PDE4D: variants seen among roughly 807,000 people sequenced by gnomAD.
The protein encoded by PDE4D is 3',5'-cyclic-AMP phosphodiesterase 4D.
PDE4D carries 24 observed loss-of-function variants against 87.4 expected under a neutral mutation model. The ratio of observed to expected loss-of-function variants is 0.27; its 90% confidence interval spans 0.20 to 0.39. PDE4D has a LOEUF of 0.39. Ranked by LOEUF, PDE4D falls within the 10% of genes least tolerant of loss-of-function variation. The pLI is 1.00. For synonymous variants in PDE4D, 384 were observed against 383.2 expected, an observed-to-expected ratio of 1.00 and a Z score of -0.02; for missense variants, 714 against 1,041.0, an observed-to-expected ratio of 0.69 and a Z score of 4.32.
At chr5:60,498,690 GC>G (rs1749932378) in intron 1 of PDE4D, among the ~76,000 whole-genome samples, 1 of 152,132 alleles carries the variant, frequency 6.6e-6, no homozygotes, top group Admixed American at 6.5e-5. Context: ...ATGGTATCTA[GC>G]TTTTTCTTTA....
chr5:59,947,317 C>T (rs938645156), intron 3 of PDE4D, among the ~76,000 whole-genome samples: 1 of 152,156 alleles, frequency 6.6e-6, no homozygotes, highest in Non-Finnish European at 1.5e-5. Flanking sequence ...AGGTTCTTTC[C>T]TTCTCTCTTA....
chr5:59,518,028 G>A (rs202057802), intron 1 of PDE4D, among the ~76,000 whole-genome samples: 8 of 152,198 alleles, frequency 5.3e-5, no homozygotes, highest in South Asian at 2.1e-4. Context: ...GTGCCTAATC[G>A]TTTTATGAAT....
At chr5:59,433,089 A>G (rs17795692) in intron 1 of PDE4D, among the ~76,000 whole-genome samples, 12,939 of 152,124 alleles carry the variant, frequency 0.085, 572 homozygotes, top group Middle Eastern at 0.11. Flanking sequence ...ATACTCCTTC[A>G]TTTGAGAGTC....
chr5:59,532,110 G>A (rs1814338960), intron 1 of PDE4D, among the ~76,000 whole-genome samples: 1 of 152,044 alleles, frequency 6.6e-6, no homozygotes, highest in Non-Finnish European at 1.5e-5. Flanking sequence ...TTGAAGTGCA[G>A]GCGCTAGACA....
intron 2 of PDE4D, among the ~76,000 whole-genome samples, chr5:60,120,111 A>G (rs1330637336): frequency 6.6e-6 from 1 of 152,256 alleles, no homozygotes; most frequent in Non-Finnish European, 1.5e-5. Context: ...ATTGTTATGC[A>G]TTCCAGAGGT....
chr5:59,789,003 C>T (rs890734768), intron 1 of PDE4D, among the ~76,000 whole-genome samples: 3 of 152,152 alleles, frequency 2.0e-5, no homozygotes, highest in Non-Finnish European at 2.9e-5. Flanking sequence ...TTCAACAGTA[C>T]AATACTGTTT....
intron 1 of PDE4D, among the ~76,000 whole-genome samples, chr5:59,382,593 A>C (rs1445566933): frequency 6.6e-6 from 1 of 152,180 alleles, no homozygotes; most frequent in East Asian, 1.9e-4. Flanking sequence ...ACATTCTCTA[A>C]AGGCCAATTC....
At chr5:59,864,262 G>C (rs947051529) in intron 1 of PDE4D, among the ~76,000 whole-genome samples, 5 of 152,094 alleles carry the variant, frequency 3.3e-5, no homozygotes, top group African/African-American at 1.2e-4. Context: ...AGCTTTAACT[G>C]GACCTAGTAG....
intron 1 of PDE4D, among the ~76,000 whole-genome samples, chr5:59,401,550 G>A (rs776936041): frequency 8.5e-5 from 13 of 152,068 alleles, no homozygotes; most frequent in Admixed American, 6.6e-5. Context: ...ATGGGGGAGG[G>A]TGGCGTGCAA....
chr5:59,258,916 A>T lies in PDE4D; in HGVS notation c.456-42948T>A, dbSNP rs115646149. The stretch of plus-strand genomic sequence containing the variant: ...GACTTTAACAGAATAATAAATTTAG[A>T]TTAAATCTAATTCATACTTTTATTA... On this transcript the variant is annotated intron_variant, in intron 1 of 14. Transcript: ENST00000340635. Among the ~76,000 whole-genome samples, 1,409 of 151,658 alleles carry T rather than the reference A, an allele frequency of 9.3e-3. 27 individuals are homozygous for T. The highest frequency in any genetic ancestry group is 0.032 in the African/African-American group (1,309 of 41,480).
At chr5:59,815,114 T>C (rs1049070937) in intron 1 of PDE4D, among the ~76,000 whole-genome samples, 2 of 152,130 alleles carry the variant, frequency 1.3e-5, no homozygotes, top group African/African-American at 4.8e-5. Flanking sequence ...AGAAGAGATC[T>C]AGAAATGAAG....
At chr5:59,295,667 T>A (rs1037160555) in intron 1 of PDE4D, among the ~76,000 whole-genome samples, 3 of 152,028 alleles carry the variant, frequency 2.0e-5, no homozygotes, top group African/African-American at 7.3e-5. Flanking sequence ...GTGTATTCTG[T>A]TTTTGTAGTT....
intron 1 of PDE4D, among the ~76,000 whole-genome samples, chr5:60,259,019 A>C (rs964180660): frequency 4.6e-5 from 7 of 152,030 alleles, no homozygotes; most frequent in African/African-American, 1.7e-4. Flanking sequence ...CCCTACTTTC[A>C]AAACATTAAT....
intron 11 of PDE4D, among the ~76,000 whole-genome samples, chr5:58,986,412 C>T (rs6450496): frequency 0.82 from 124,028 of 152,086 alleles, 50,744 homozygotes; most frequent in Admixed American, 0.88. Context: ...CAGGGGTCCC[C>T]GATCCATCCA....
chr5:60,469,854 T>C (rs1342356410), intron 1 of PDE4D, among the ~76,000 whole-genome samples: 1 of 152,138 alleles, frequency 6.6e-6, no homozygotes, highest in Non-Finnish European at 1.5e-5. Context: ...CAGGTCTCCT[T>C]CTCCCTGAGA....
intron 3 of PDE4D, among the ~76,000 whole-genome samples, chr5:59,953,390 A>G (rs907446032): frequency 1.3e-5 from 2 of 152,222 alleles, no homozygotes; most frequent in African/African-American, 4.8e-5. Flanking sequence ...GAAGCCATAA[A>G]AATGAAACAA....
At chr5:59,529,808 C>A (rs1813857293) in intron 1 of PDE4D, among the ~76,000 whole-genome samples, 1 of 152,252 alleles carries the variant, frequency 6.6e-6, no homozygotes, top group South Asian at 2.1e-4. Context: ...AGATACTAAG[C>A]TCCCTTGATG....
intron 5 of PDE4D, among the ~76,000 whole-genome samples, chr5:59,046,682 T>C (rs913489974): frequency 6.6e-6 from 1 of 152,210 alleles, no homozygotes; most frequent in African/African-American, 2.4e-5. Context: ...TGTTTTGTTT[T>C]GTTTTATTCA....
At chr5:59,090,807 CTTTTTTTTTT>C (rs61610340) in intron 5 of PDE4D, among the ~76,000 whole-genome samples, 2 of 106,024 alleles carry the variant, frequency 1.9e-5, no homozygotes, top group African/African-American at 6.9e-5. Flanking sequence ...TTTTCTTTTT[CTTTTTTTTTT>C]TTTTTTTTTT....
Sources: allele counts gnomAD v4.1 joint callset (sites outside exome capture counted in the v4.1 genomes callset), GRCh38; gene constraint gnomAD v4.1.1; transcripts MANE v1.5; gene names NCBI Gene and HGNC (gene_info 2026-07-23, HGNC 2026-07-21).